SLC7A8: variants seen among roughly 807,000 people sequenced by gnomAD.
The protein encoded by SLC7A8 is large neutral amino acids transporter small subunit 2.
In SLC7A8, 30 loss-of-function variants were observed where a neutral mutation model predicts 51.2. That is an observed-to-expected ratio of 0.59 (90% CI 0.44 to 0.80). The LOEUF is 0.80. SLC7A8 is among the 30% of genes least tolerant of loss of function. The pLI is 0.00. For missense variants in SLC7A8, 612 were observed against 674.4 expected (o/e 0.91, Z 1.03); for synonymous variants, 257 against 275.8 (o/e 0.93, Z 0.67).
Position 23,165,302 on chromosome 14 carries a change from A to C in SLC7A8, c.491T>G (p.Leu164Arg). 1 of 1,609,804 alleles carries C rather than the reference A, an allele frequency of 6.2e-7. No homozygotes were observed. The highest frequency in any genetic ancestry group is 8.5e-7 in the Non-Finnish European group (1 of 1,178,098). The change falls in exon 3 of 11, where the codon CTG becomes CGG. Residue 164 changes from leucine (L) to arginine (R), a missense_variant. By Grantham distance (102) the Leu-to-Arg change is moderately radical. Transcript: ENST00000316902. This position sits in a 1 kb window ranked among gnomAD's most constrained non-coding sequence, Gnocchi z 4.2. ...ACACTTACATAAGCAGATGGCAGCCAGGAGCCGAAGGCCAGACTCTGGGGG... is the reference window on the plus strand; with the variant it reads ...ACACTTACATAAGCAGATGGCAGCCCGGAGCCGAAGGCCAGACTCTGGGGG... ...CFPPESGLRL[L>R]AAICLLLLTW...
intron 4 of SLC7A8, among the ~76,000 whole-genome samples, chr14:23,142,527 G>T (rs577510335): frequency 6.6e-6 from 1 of 152,278 alleles, no homozygotes; most frequent in South Asian, 2.1e-4. Flanking sequence ...TTGAGACAAG[G>T]TCTTGCTCAG....
At chr14:23,133,360 G>A (rs2048658164) in intron 7 of SLC7A8, among the ~76,000 whole-genome samples, 1 of 147,812 alleles carries the variant, frequency 6.8e-6, no homozygotes, top group South Asian at 2.1e-4. Context: ...AGGATCACAT[G>A]AGCCTGGGAG....
chr14:23,177,729 T>C (rs1308809771), intron 1 of SLC7A8, among the ~76,000 whole-genome samples: 1 of 152,318 alleles, frequency 6.6e-6, no homozygotes, highest in African/African-American at 2.4e-5. Flanking sequence ...GAGCATGGTC[T>C]GTGCTGGCCA....
chr14:23,152,327 CG>C (rs1250175557), intron 3 of SLC7A8, among the ~76,000 whole-genome samples: 6 of 151,758 alleles, frequency 4.0e-5, no homozygotes, highest in Admixed American at 3.9e-4. Flanking sequence ...GATGGGGTTT[CG>C]CCATGTTGCC....
chr14:23,178,229 T>G (rs1877006314), intron 1 of SLC7A8, among the ~76,000 whole-genome samples: 1 of 152,134 alleles, frequency 6.6e-6, no homozygotes, highest in Non-Finnish European at 1.5e-5. Flanking sequence ...ACAGTAGCTC[T>G]GGTATCATTA....
At chr14:23,138,179 AC>A (rs2048709039) in intron 6 of SLC7A8, 155 bp from the exon 7 acceptor site, 3 of 845,952 alleles carry the variant, frequency 3.5e-6, no homozygotes, top group Admixed American at 2.8e-5. Flanking sequence ...TCAAGGGTGG[AC>A]CCCTACACAG....
chr14:23,159,348 T>G (rs979496835), intron 3 of SLC7A8, among the ~76,000 whole-genome samples: 2 of 152,220 alleles, frequency 1.3e-5, no homozygotes, highest in Non-Finnish European at 2.9e-5. Context: ...TTCAATACAT[T>G]TAGATTTTAA....
rs762292214 is a variant in SLC7A8 at position 23,128,300 on chromosome 14, T to C, written c.1264-104A>G. 1.3e-6 allele frequency: 2 copies of C among 1,559,116 alleles called. No individual in the cohort carries two copies. The highest frequency in any genetic ancestry group is 2.4e-5 in the South Asian group (2 of 84,682). On this transcript the variant is annotated intron_variant, in intron 9 of 10. Transcript: ENST00000316902. The surrounding 1 kb of genome is among the most constrained non-coding windows in gnomAD (Gnocchi z 4.3). ...CTTCTTCACCCACAGAGACACATCC[T>C]CAAGGGCAAAGGCTGGGCTTCCCTC...
chr14:23,171,231 ATCT>A (rs2048973990), intron 1 of SLC7A8, among the ~76,000 whole-genome samples: 2 of 152,326 alleles, frequency 1.3e-5, no homozygotes, highest in South Asian at 4.1e-4. Context: ...TATCACGCAG[ATCT>A]TCTTTAGTGA....
intron 3 of SLC7A8, among the ~76,000 whole-genome samples, chr14:23,144,805 A>G (rs943711477): frequency 6.6e-6 from 1 of 152,168 alleles, no homozygotes; most frequent in African/African-American, 2.4e-5. Context: ...TCCTAACAAC[A>G]TGCCTGCAAG....
At chr14:23,163,544 C>A (rs1360274632) in intron 3 of SLC7A8, among the ~76,000 whole-genome samples, 1 of 152,218 alleles carries the variant, frequency 6.6e-6, no homozygotes, top group Non-Finnish European at 1.5e-5. Flanking sequence ...AGGAGACCGC[C>A]TCTTGGGTCC....
At chr14:23,157,496 G>A (rs1009133759) in intron 3 of SLC7A8, among the ~76,000 whole-genome samples, 2 of 152,128 alleles carry the variant, frequency 1.3e-5, no homozygotes, top group African/African-American at 4.8e-5. Context: ...TTCCTCCTAA[G>A]GGAAAGCCCA....
At position 23,137,944 on chromosome 14, in the gene SLC7A8, A is replaced by G. The variant is rs111856888; in HGVS notation, c.993T>C (p.Asn331=). The G allele has an allele frequency of 5.1e-4, 820 of 1,613,992 alleles. 7 individuals carry two copies. In the African/African-American group the frequency reaches 9.6e-3, roughly 19 times the overall value. ...ACCGAGAGGAGGTGAAGAGAGACCC[A>G]TTAACTCCTCCAAATGTGGACAGGG... The part of the protein sequence containing the change: ...SVALSTFGGV[N]GSLFTSSRLF... Residue 331 remains asparagine (N), a synonymous_variant, in exon 7 of 11, where the codon AAT becomes AAC. Transcript: ENST00000316902.
rs1021132610 is a variant in SLC7A8 at position 23,137,920 on chromosome 14, C to T, written c.1016+1G>A. ...CGGGGAAGGGCCCAGGCAGCACTCACCGAGAGGAGGTGAAGAGAGACCCAT... is the reference window on the plus strand; with the variant it reads ...CGGGGAAGGGCCCAGGCAGCACTCATCGAGAGGAGGTGAAGAGAGACCCAT... On this transcript the variant is annotated splice_donor_variant, in intron 7 of 10. Transcript: ENST00000316902. LOFTEE classifies it high-confidence loss of function. 6.2e-7 allele frequency: 1 copy of T among 1,613,670 alleles called. No individual in the cohort carries two copies. Among genetic ancestry groups the T allele is most frequent in the Non-Finnish European group, 8.5e-7 (1 of 1,179,958 alleles).
At chr14:23,161,609 G>A (rs1393917057) in intron 3 of SLC7A8, among the ~76,000 whole-genome samples, 1 of 129,446 alleles carries the variant, frequency 7.7e-6, no homozygotes, top group South Asian at 2.7e-4. Flanking sequence ...TGGGTGGGTG[G>A]GAGGGGTGCT....
intron 3 of SLC7A8, chr14:23,154,513 T>A: frequency 8.2e-6 from 8 of 976,072 alleles, no homozygotes; most frequent in Non-Finnish European, 9.7e-6. Flanking sequence ...TGGAAGGAAC[T>A]GAGCACGTGT....
In SLC7A8 at chr14:23,136,833, C is replaced by G. The variant is rs1028922433; in HGVS notation, c.1016+1088G>C. ...GGTCACTGTTCCTCCACCGCTTGGC[C>G]TCGGCGGGGCCTCCGTGTGGCCACT... On this transcript the variant is annotated intron_variant, in intron 7 of 10. Coordinates refer to ENST00000316902, the MANE Select transcript of SLC7A8 (RefSeq NM_012244.4). Among the ~76,000 whole-genome samples, 9 of 152,348 alleles carry G rather than the reference C, an allele frequency of 5.9e-5. No homozygotes were observed. In the East Asian group the frequency reaches 1.7e-3, roughly 29 times the overall value.
At chr14:23,137,167 AAAAG>A (rs1444720199) in intron 7 of SLC7A8, among the ~76,000 whole-genome samples, 1 of 152,206 alleles carries the variant, frequency 6.6e-6, no homozygotes, top group East Asian at 1.9e-4. Flanking sequence ...TGAAGACAGC[AAAAG>A]AAAGGGCCGG....
rs2048580003 is a variant in SLC7A8 at position 23,126,728 on chromosome 14, T to C, written c.*449A>G. 5.3e-6 allele frequency: 1 copy of C among 187,288 alleles called. No homozygotes were observed. The highest frequency in any genetic ancestry group is 1.1e-5 in the Non-Finnish European group (1 of 88,686). 11.6% of individuals were successfully genotyped at this position (187,288 alleles called of 1,614,324 possible). A position where few individuals can be genotyped will look rare whatever the true frequency, so the allele number is the denominator to read the frequency against. On this transcript the variant is annotated 3_prime_UTR_variant, in exon 11 of 11. Transcript: ENST00000316902. ...GGGTCCCTGGTGAACAGATAGGGTC[T>C]TGGGTCTCTCCAGCTGACCCCTTGA...
Sources: allele counts gnomAD v4.1 joint callset (sites outside exome capture counted in the v4.1 genomes callset), GRCh38; gene constraint gnomAD v4.1.1; non-coding constraint Gnocchi (gnomAD v3.1); transcripts MANE v1.5; gene names NCBI Gene and HGNC (gene_info 2026-07-23, HGNC 2026-07-21).